PRKCQ: variants seen among roughly 807,000 people sequenced by gnomAD.
PRKCQ encodes the protein protein kinase C theta type.
In PRKCQ, 41 loss-of-function variants were observed where a neutral mutation model predicts 91.2. The ratio of observed to expected loss-of-function variants is 0.45; its 90% confidence interval spans 0.35 to 0.58. The LOEUF (loss-of-function observed/expected upper bound fraction) is 0.58, where lower values mean the gene tolerates loss of function less well. Ranked by LOEUF, PRKCQ falls within the 20% of genes least tolerant of loss-of-function variation. PRKCQ has a pLI of 0.00. For synonymous variants in PRKCQ, 307 were observed against 316.9 expected, an observed-to-expected ratio of 0.97 and a Z score of 0.33; for missense variants, 673 against 896.5, an observed-to-expected ratio of 0.75 and a Z score of 3.18.
chr10:6,526,474 T>G, intron 1 of PRKCQ, among the ~76,000 whole-genome samples: 1 of 147,404 alleles, frequency 6.8e-6, no homozygotes, highest in African/African-American at 2.5e-5. Context: ...AGGAGGGAGG[T>G]GGGGAGTGCT....
intron 1 of PRKCQ, among the ~76,000 whole-genome samples, chr10:6,555,530 A>G (rs1230745286): frequency 6.6e-6 from 1 of 152,246 alleles, no homozygotes; most frequent in Non-Finnish European, 1.5e-5. Flanking sequence ...ATGGGGGAAA[A>G]AAGACATTCA....
At chr10:6,420,245 G>A in the PRKCQ span, among the ~76,000 whole-genome samples, 25 of 152,212 alleles carry the variant, frequency 1.6e-4, no homozygotes, top group East Asian at 4.6e-3. Context: ...CCTAGGCCTC[G>A]AAATCTCCTT....
At chr10:6,407,618 G>A in the PRKCQ span, among the ~76,000 whole-genome samples, 2 of 152,100 alleles carry the variant, frequency 1.3e-5, no homozygotes, top group East Asian at 1.9e-4. The surrounding 1 kb of genome is among the most constrained non-coding windows in gnomAD (Gnocchi z 4.0). Context: ...CACATCTGTG[G>A]TGTTCGCATA....
At chr10:6,555,804 G>A (rs1190003583) in intron 1 of PRKCQ, among the ~76,000 whole-genome samples, 1 of 152,132 alleles carries the variant, frequency 6.6e-6, no homozygotes, top group Non-Finnish European at 1.5e-5. Context: ...GAGATCAGGA[G>A]TTCAAGTCTA....
chr10:6,483,684 A>G (rs758586966), intron 10 of PRKCQ, 84 bp from the exon 11 acceptor site: 44 of 1,493,952 alleles, frequency 2.9e-5, no homozygotes, highest in Admixed American at 1.9e-4. Flanking sequence ...TTTCTCTTCT[A>G]CTTCCCATGC....
chr10:6,416,027 A>G, the PRKCQ span, among the ~76,000 whole-genome samples: 2,602 of 152,162 alleles, frequency 0.017, 76 homozygotes, highest in African/African-American at 0.059. Flanking sequence ...GATTACAGGC[A>G]TGAGCCACCA....
At chr10:6,523,530 C>T (rs767786223) in intron 1 of PRKCQ, among the ~76,000 whole-genome samples, 5 of 151,926 alleles carry the variant, frequency 3.3e-5, no homozygotes, top group African/African-American at 4.8e-5. Flanking sequence ...CAAAGGAAAC[C>T]GAAGGCTAAC....
At chr10:6,487,457 A>G (rs1836991061) in intron 8 of PRKCQ, among the ~76,000 whole-genome samples, 1 of 152,210 alleles carries the variant, frequency 6.6e-6, no homozygotes, top group South Asian at 2.1e-4. Context: ...TGGGCAAGTC[A>G]TGAACGCTCT....
At chr10:6,504,582 T>G (rs1025761348) in intron 4 of PRKCQ, among the ~76,000 whole-genome samples, 11 of 152,222 alleles carry the variant, frequency 7.2e-5, no homozygotes, top group African/African-American at 2.7e-4. Context: ...CACTGATCTC[T>G]TGGTTAATCA....
Position 6,442,720 on chromosome 10 carries a change from G to A in PRKCQ, c.1648-639C>T, listed in dbSNP as rs375997153. Among the ~76,000 whole-genome samples, 3 of 152,292 alleles carry A rather than the reference G, an allele frequency of 2.0e-5. No individual in the cohort carries two copies. In the East Asian group the frequency reaches 5.8e-4, roughly 29 times the overall value. ...CTCACTCCTGTAATTCCAGCACTTT[G>A]GGAGGCCGAGGCTAGTGGATCACCT... On this transcript the variant is annotated intron_variant, in intron 15 of 17. Transcript: ENST00000263125.
At chr10:6,453,105 G>A (rs1588681592) in intron 15 of PRKCQ, among the ~76,000 whole-genome samples, 1 of 151,464 alleles carries the variant, frequency 6.6e-6, no homozygotes, top group East Asian at 1.9e-4. Context: ...CTTCTGCACA[G>A]CAAAAGAAAC....
In PRKCQ at chr10:6,428,152, T is replaced by C; in HGVS notation, c.*55A>G. The C allele has an allele frequency of 6.2e-7, 1 of 1,608,080 alleles. No homozygotes were observed. Among genetic ancestry groups the C allele is most frequent in the Non-Finnish European group, 8.5e-7 (1 of 1,175,442 alleles). ...AAAAAGGAACCCAAGCAGTGTCTCT[T>C]GAACCAGTTCCCAGGGAGAAGGCAA... On this transcript the variant is annotated 3_prime_UTR_variant, in exon 18 of 18. Coordinates refer to ENST00000263125, the MANE Select transcript of PRKCQ (RefSeq NM_006257.5).
intron 12 of PRKCQ, among the ~76,000 whole-genome samples, chr10:6,477,276 G>A (rs1311094263): frequency 1.3e-5 from 2 of 152,144 alleles, no homozygotes; most frequent in African/African-American, 4.8e-5. Flanking sequence ...TCTCAAGGTC[G>A]GGAGCTGTAT....
rs1213523169 is a variant in PRKCQ, at chr10:6,497,689, G to A, written c.543-438C>T. ...CCAACAAAGTCTCACATGCAGGACC[G>A]ATTCCTGAGTGACATCCATGATTAG... On this transcript the variant is annotated intron_variant, in intron 5 of 17. Coordinates refer to ENST00000263125, the MANE Select transcript of PRKCQ (RefSeq NM_006257.5). The surrounding 1 kb of genome is among the most constrained non-coding windows in gnomAD (Gnocchi z 4.5). Among the ~76,000 whole-genome samples, 8 of 152,162 alleles carry A rather than the reference G, an allele frequency of 5.3e-5. No homozygotes were observed. The highest frequency in any genetic ancestry group is 2.4e-5 in the African/African-American group (1 of 41,446).
chr10:6,534,405 T>G (rs1325327831), intron 1 of PRKCQ, among the ~76,000 whole-genome samples: 7 of 152,204 alleles, frequency 4.6e-5, no homozygotes, highest in African/African-American at 1.4e-4. Context: ...CCCCAGTACA[T>G]AGCTTTTTGG....
chr10:6,462,509 T>C, intron 13 of PRKCQ, 144 bp from the exon 14 acceptor site: 1 of 676,150 alleles, frequency 1.5e-6, no homozygotes, highest in African/African-American at 1.8e-5. Context: ...ACAAGGAAGA[T>C]GTTGTCCATT....
At chr10:6,395,860 G>A in the PRKCQ span, among the ~76,000 whole-genome samples, 1 of 152,096 alleles carries the variant, frequency 6.6e-6, no homozygotes, top group Non-Finnish European at 1.5e-5. Flanking sequence ...CCTGTACTGA[G>A]TATATTTTTC....
chr10:6,494,011 C>G (rs1294337692), intron 7 of PRKCQ, among the ~76,000 whole-genome samples: 1 of 152,248 alleles, frequency 6.6e-6, no homozygotes. Flanking sequence ...CACAGTCTGA[C>G]TGCTTTTCAC....
At chr10:6,567,490 G>A (rs1379621611) in intron 1 of PRKCQ, among the ~76,000 whole-genome samples, 2 of 152,236 alleles carry the variant, frequency 1.3e-5, no homozygotes, top group African/African-American at 4.8e-5. Flanking sequence ...ACAAAGATGA[G>A]TGTAGCTCTC....
Sources: allele counts gnomAD v4.1 joint callset (sites outside exome capture counted in the v4.1 genomes callset), GRCh38; gene constraint gnomAD v4.1.1; non-coding constraint Gnocchi (gnomAD v3.1); transcripts MANE v1.5; gene names NCBI Gene and HGNC (gene_info 2026-07-23, HGNC 2026-07-21).